ARHGEF9: variants seen among roughly 807,000 people sequenced by gnomAD.
The protein encoded by ARHGEF9 is rho guanine nucleotide exchange factor 9.
A neutral mutation model predicts 41.3 loss-of-function variants in ARHGEF9; 2 were observed. The observed-to-expected ratio is 0.05, with a 90% confidence interval of 0.02 to 0.15. ARHGEF9 has a LOEUF of 0.15. Ranked by LOEUF, ARHGEF9 falls within the 10% of genes least tolerant of loss-of-function variation. ARHGEF9 has a pLI of 1.00. For synonymous variants in ARHGEF9, 160 were observed against 154.4 expected, an observed-to-expected ratio of 1.04 and a Z score of -0.27; for missense variants, 225 against 424.7, an observed-to-expected ratio of 0.53 and a Z score of 4.13.
At chrX:63,658,965 A>G (rs782459026) in intron 7 of ARHGEF9, among the ~76,000 whole-genome samples, 1 of 111,793 alleles carries the variant, frequency 8.9e-6, no homozygotes, top group East Asian at 2.8e-4. Context: ...TCAAACTTAC[A>G]CATTCTTATT....
chrX:63,638,351 G>T, intron 9 of ARHGEF9, 142 bp from the exon 10 acceptor site: 1 of 563,497 alleles, frequency 1.8e-6, no homozygotes, highest in Non-Finnish European at 2.9e-6. Flanking sequence ...ATCATCCAAG[G>T]GGAGAATTCC....
intron 2 of ARHGEF9, among the ~76,000 whole-genome samples, chrX:63,710,637 T>A (rs1480135282): frequency 9.1e-6 from 1 of 110,205 alleles, no homozygotes; most frequent in African/African-American, 3.3e-5. Flanking sequence ...CCTTTCATGA[T>A]TAAAAAAAAA....
At chrX:63,741,712 T>C (rs2054964150) in intron 1 of ARHGEF9, among the ~76,000 whole-genome samples, 1 of 112,902 alleles carries the variant, frequency 8.9e-6, no homozygotes, top group African/African-American at 3.2e-5. Context: ...TATGCATCCA[T>C]GTGCATTCAC....
intron 8 of ARHGEF9, among the ~76,000 whole-genome samples, chrX:63,650,950 A>T (rs2048506537): frequency 9.0e-6 from 1 of 110,977 alleles, no homozygotes; most frequent in Non-Finnish European, 1.9e-5. Context: ...TTAAATTAAA[A>T]ATCCAGAGGA....
chrX:63,726,924 C>T (rs1239452743), intron 1 of ARHGEF9, among the ~76,000 whole-genome samples: 1 of 111,788 alleles, frequency 8.9e-6, no homozygotes, highest in Non-Finnish European at 1.9e-5. Context: ...TTATGTTGAA[C>T]TTGCTTTCTT....
chrX:63,764,348 G>T (rs1286212172), intron 1 of ARHGEF9, among the ~76,000 whole-genome samples: 1 of 112,627 alleles, frequency 8.9e-6, no homozygotes, highest in Admixed American at 9.3e-5. Context: ...TGGAGAAAAA[G>T]GAATGCTTTT....
chrX:63,684,173 CAAAT>C (rs1487373849), intron 4 of ARHGEF9, among the ~76,000 whole-genome samples: 9 of 107,867 alleles, frequency 8.3e-5, no homozygotes, highest in African/African-American at 1.7e-4. Flanking sequence ...CAAAAAAAAA[CAAAT>C]AAACAAATAA....
At chrX:63,769,739 G>A (rs1181922506) in intron 1 of ARHGEF9, among the ~76,000 whole-genome samples, 2 of 112,599 alleles carry the variant, frequency 1.8e-5, no homozygotes, top group African/African-American at 6.5e-5. Flanking sequence ...TTGCTTCAGA[G>A]GGTGCAAGGC....
intron 1 of ARHGEF9, among the ~76,000 whole-genome samples, chrX:63,781,339 ATCT>A (rs782708333): frequency 1.3e-4 from 15 of 111,961 alleles, no homozygotes; most frequent in Non-Finnish European, 2.3e-4. Context: ...AATACACTTA[ATCT>A]TCTTCTCCAG....
chrX:63,771,723 C>T (rs1265313030), intron 1 of ARHGEF9, among the ~76,000 whole-genome samples: 7 of 110,671 alleles, frequency 6.3e-5, no homozygotes, highest in Non-Finnish European at 7.6e-5. Flanking sequence ...TGAGCCACCG[C>T]GACTGGCTAA....
At chrX:63,657,657 T>C (rs1269907743) in intron 7 of ARHGEF9, 4 of 111,404 alleles carry the variant, frequency 3.6e-5, no homozygotes, top group Non-Finnish European at 7.5e-5. Context: ...TTTCAGAACC[T>C]GGGTTCCTTT....
intron 1 of ARHGEF9, among the ~76,000 whole-genome samples, chrX:63,730,582 G>A (rs1359197024): frequency 6.3e-5 from 7 of 111,928 alleles, no homozygotes. Context: ...GGTCTGAAGT[G>A]CAGCTTGAGA....
intron 7 of ARHGEF9, among the ~76,000 whole-genome samples, chrX:63,655,985 G>A (rs139217721): frequency 4.5e-5 from 5 of 112,129 alleles, no homozygotes; most frequent in Non-Finnish European, 7.5e-5. Flanking sequence ...ATCCTTGGAC[G>A]TGTGTGCAAG....
intron 4 of ARHGEF9, among the ~76,000 whole-genome samples, chrX:63,688,855 G>A (rs1436259023): frequency 8.9e-6 from 1 of 112,150 alleles, no homozygotes; most frequent in African/African-American, 3.2e-5. Context: ...AGTTAAAATG[G>A]GGAAGTAATG....
chrX:63,684,751 TACAG>T (rs2050875060), intron 4 of ARHGEF9, among the ~76,000 whole-genome samples: 1 of 109,883 alleles, frequency 9.1e-6, no homozygotes, highest in East Asian at 2.8e-4. Context: ...TACATATACA[TACAG>T]AGACACAGAA....
chrX:63,707,826 T>C (rs1418845304), intron 2 of ARHGEF9, among the ~76,000 whole-genome samples: 1 of 111,581 alleles, frequency 9.0e-6, no homozygotes. Flanking sequence ...TCTTTCTTTT[T>C]CTCACAGGAG....
At chrX:63,663,705 T>C (rs1188442176) in intron 7 of ARHGEF9, among the ~76,000 whole-genome samples, 2 of 111,804 alleles carry the variant, frequency 1.8e-5, no homozygotes, top group African/African-American at 3.2e-5. Context: ...TTTGTAGTAA[T>C]GGCAAAAGGT....
intron 1 of ARHGEF9, among the ~76,000 whole-genome samples, chrX:63,733,656 G>T (rs2147677494): frequency 8.9e-6 from 1 of 111,897 alleles, no homozygotes; most frequent in Non-Finnish European, 1.9e-5. Flanking sequence ...TTCCTAATTT[G>T]GGTGTGTGAT....
intron 2 of ARHGEF9, among the ~76,000 whole-genome samples, chrX:63,711,255 C>T (rs1248674491): frequency 9.0e-6 from 1 of 111,645 alleles, no homozygotes; most frequent in East Asian, 2.8e-4. Flanking sequence ...AGATTCAACG[C>T]AATACCTATC....
Sources: gnomAD v4.1 joint callset for allele counts (sites outside exome capture counted in the v4.1 genomes callset) on GRCh38, gnomAD v4.1.1 for gene constraint, MANE v1.5 for transcripts, NCBI Gene and HGNC (gene_info 2026-07-23, HGNC 2026-07-21) for gene names.